The following SUN3 variants were observed in gnomAD, a reference collection of about 807,000 sequenced individuals.
SUN3 encodes Sad1 and UNC84 domain containing 3, also known as SUN domain-containing protein 3.
Under a neutral mutation model 48.2 loss-of-function variants are expected in SUN3, and 36 were observed. The ratio of observed to expected loss-of-function variants is 0.75; its 90% CI spans 0.57 to 0.99. The LOEUF is 0.99. Among genes scored for constraint, SUN3 ranks in the 50% least tolerant of loss-of-function variants. The pLI is 0.00. For missense variants in SUN3, 419 were observed against 433.1 expected, an observed-to-expected ratio of 0.97 and a Z score of 0.29; for synonymous variants, 148 against 147.9, an observed-to-expected ratio of 1.00 and a Z score of 0.00.
intron 6 of SUN3, among the ~76,000 whole-genome samples, chr7:47,996,641 T>C (rs1302321433): frequency 6.6e-6 from 1 of 152,168 alleles, no homozygotes; most frequent in Non-Finnish European, 1.5e-5. Flanking sequence ...TCAAACATTA[T>C]CCCTTCAGGT....
intron 3 of SUN3, among the ~76,000 whole-genome samples, chr7:48,011,084 C>T (rs78356056): frequency 0.026 from 3,966 of 152,200 alleles, 167 homozygotes; most frequent in African/African-American, 0.09. Context: ...TAATCTAGGA[C>T]GATTTGATCT....
At chr7:48,001,439 A>G (rs1452473845) in intron 6 of SUN3, among the ~76,000 whole-genome samples, 1 of 151,438 alleles carries the variant, frequency 6.6e-6, no homozygotes. Flanking sequence ...GTGGCTGCAT[A>G]GTATTCCATA....
chr7:48,035,360 G>C, the SUN3 span, among the ~76,000 whole-genome samples: 70,626 of 151,856 alleles, frequency 0.47, 17,064 homozygotes, highest in African/African-American at 0.6. This position sits in a 1 kb window ranked among gnomAD's most constrained non-coding sequence, Gnocchi z 4.0. Context: ...GCCCTGGTCC[G>C]GCTCTGGGCT....
intron 8 of SUN3, among the ~76,000 whole-genome samples, chr7:47,994,049 G>C (rs914301397): frequency 8.5e-5 from 13 of 152,164 alleles, no homozygotes; most frequent in African/African-American, 3.1e-4. Flanking sequence ...TGGAGATGTG[G>C]AGAAGTGGGA....
chr7:47,995,919 G>A, intron 7 of SUN3, 112 bp downstream of exon 7: 1 of 567,074 alleles, frequency 1.8e-6, no homozygotes, highest in South Asian at 3.1e-5. Context: ...CAGATTCTGT[G>A]ACAAGTTCAG....
chr7:48,011,043 T>A (rs188049144), intron 3 of SUN3, among the ~76,000 whole-genome samples: 61 of 152,294 alleles, frequency 4.0e-4, no homozygotes, highest in Non-Finnish European at 7.1e-4. Context: ...CCTAAAGAGA[T>A]CCCTGTCATT....
intron 1 of SUN3, among the ~76,000 whole-genome samples, chr7:48,027,970 G>C (rs1231435174): frequency 6.6e-6 from 1 of 152,102 alleles, no homozygotes; most frequent in South Asian, 2.1e-4. Context: ...ATTAACTCCA[G>C]TGTTTTTCGT....
At chr7:48,024,463 G>C (rs1469275482) in intron 2 of SUN3, among the ~76,000 whole-genome samples, 1 of 151,722 alleles carries the variant, frequency 6.6e-6, no homozygotes, top group Non-Finnish European at 1.5e-5. Flanking sequence ...GATGAAACAT[G>C]ACTTTTCATC....
At chr7:48,006,907 C>A (rs764371468) in intron 5 of SUN3, among the ~76,000 whole-genome samples, 1 of 152,100 alleles carries the variant, frequency 6.6e-6, no homozygotes, top group Non-Finnish European at 1.5e-5. Context: ...TTCTTTCTTT[C>A]TTTCTTTTAC....
At chr7:48,029,697 A>T (rs949783576), upstream of SUN3, among the ~76,000 whole-genome samples, 1 of 152,322 alleles carries the variant, frequency 6.6e-6, no homozygotes, top group Admixed American at 6.5e-5. Flanking sequence ...TTATATGCAC[A>T]TCACAAGGTT....
chr7:48,010,523 C>T (rs1353516896), intron 3 of SUN3, among the ~76,000 whole-genome samples: 1 of 152,128 alleles, frequency 6.6e-6, no homozygotes, highest in African/African-American at 2.4e-5. Context: ...TAATGTAGAT[C>T]AGAGTGGAGG....
intron 4 of SUN3, among the ~76,000 whole-genome samples, chr7:48,008,619 A>G (rs910091368): frequency 1.3e-5 from 2 of 152,226 alleles, no homozygotes; most frequent in Non-Finnish European, 2.9e-5. Flanking sequence ...AGGACAAGTA[A>G]TTTTCTAAAG....
rs1196414370 is a variant in SUN3 at position 47,987,192 on chromosome 7, T to A, written c.*138A>T. 1.2e-6 allele frequency: 1 copy of A among 804,982 alleles called. No homozygotes were observed. Among genetic ancestry groups the A allele is most frequent in the African/African-American group, 1.8e-5 (1 of 56,248 alleles). The allele number at this position is 804,982 out of a possible 1,614,324, so 49.9% of individuals were successfully genotyped here. A position where few individuals can be genotyped will look rare whatever the true frequency, so the allele number is the denominator to read the frequency against. ...TTTTTATTAGTAAAATGCATTTACT[T>A]TTTACAGGCAAGTATGAACCACTTT... On this transcript the variant is annotated 3_prime_UTR_variant, in exon 10 of 10. Coordinates refer to ENST00000297325, the MANE Select transcript of SUN3 (RefSeq NM_001030019.2).
chr7:48,022,587 G>C (rs1036860843), intron 2 of SUN3, among the ~76,000 whole-genome samples: 28 of 151,668 alleles, frequency 1.8e-4, no homozygotes, highest in Non-Finnish European at 3.4e-4. Flanking sequence ...TTTTAAATAA[G>C]AAAAAGAACA....
chr7:48,028,251 G>T (rs1000450328), intron 1 of SUN3, among the ~76,000 whole-genome samples: 1 of 151,764 alleles, frequency 6.6e-6, no homozygotes, highest in African/African-American at 2.4e-5. Context: ...CAGCACATGG[G>T]CAGGGCGTTT....
intron 2 of SUN3, among the ~76,000 whole-genome samples, chr7:48,024,685 GC>G (rs1237677553): frequency 2.6e-5 from 4 of 151,862 alleles, no homozygotes; most frequent in African/African-American, 9.7e-5. Context: ...GTCTCCAGCT[GC>G]TTCCGCTCAT....
intron 8 of SUN3, 144 bp downstream of exon 8, chr7:47,994,171 C>T (rs528795190): frequency 2.9e-6 from 2 of 678,150 alleles, no homozygotes; most frequent in Admixed American, 6.3e-5. Context: ...GTCCAACTCT[C>T]TCTCTTTGTA....
At chr7:47,991,983 T>G (rs963082513) in intron 8 of SUN3, among the ~76,000 whole-genome samples, 4 of 152,120 alleles carry the variant, frequency 2.6e-5, no homozygotes, top group African/African-American at 9.7e-5. Flanking sequence ...GCATGGCCTC[T>G]GCACAAAGTG....
chr7:48,028,694 G>A, intron 1 of SUN3, 123 bp downstream of exon 1: 5 of 1,292,796 alleles, frequency 3.9e-6, no homozygotes, highest in Non-Finnish European at 5.3e-6. Context: ...TATTGAAAAT[G>A]ATTTTCTCTA....
Sources: allele counts gnomAD v4.1 joint callset (sites outside exome capture counted in the v4.1 genomes callset), GRCh38; gene constraint gnomAD v4.1.1; non-coding constraint Gnocchi (gnomAD v3.1); transcripts MANE v1.5; gene names NCBI Gene and HGNC (gene_info 2026-07-23, HGNC 2026-07-21).